COMMD7: variants seen among roughly 807,000 people sequenced by gnomAD.
COMMD7 encodes the protein COMM domain-containing protein 7.
Under a neutral mutation model 34.8 loss-of-function variants are expected in COMMD7, and 28 were observed. The ratio of observed to expected loss-of-function variants is 0.80; its 90% CI spans 0.60 to 1.10. The LOEUF is 1.10. COMMD7 is among the 50% of genes least tolerant of loss of function. COMMD7 has a pLI of 0.00. For missense variants in COMMD7, 211 were observed against 241.6 expected, an observed-to-expected ratio of 0.87 and a Z score of 0.84; for synonymous variants, 80 against 86.4, an observed-to-expected ratio of 0.93 and a Z score of 0.41.
intron 3 of COMMD7, 88 bp from the exon 4 acceptor site, chr20:32,706,848 A>G (rs2145710539): frequency 9.7e-7 from 1 of 1,027,898 alleles, no homozygotes; most frequent in East Asian, 2.5e-5. Context: ...TATGTGACCT[A>G]AAGGACAAAA....
chr20:32,719,649 T>TA (rs11313338), intron 3 of COMMD7, among the ~76,000 whole-genome samples: 11 of 150,780 alleles, frequency 7.3e-5, no homozygotes, highest in African/African-American at 1.2e-4. Context: ...AAACTCCATC[T>TA]AAAAAAAAAT....
intron 3 of COMMD7, among the ~76,000 whole-genome samples, chr20:32,720,264 G>A (rs1376361872): frequency 6.6e-6 from 1 of 152,132 alleles, no homozygotes; most frequent in African/African-American, 2.4e-5. Flanking sequence ...GGAGGCTGAG[G>A]TGGGCAGATC....
At chr20:32,719,408 G>A (rs1600983374) in intron 3 of COMMD7, among the ~76,000 whole-genome samples, 2 of 152,184 alleles carry the variant, frequency 1.3e-5, no homozygotes, top group East Asian at 3.8e-4. Flanking sequence ...AGCACTTTGG[G>A]AGGCCAAGGT....
In COMMD7 at chr20:32,725,431, G is replaced by GTTTTTTTT. The variant is rs56381432; in HGVS notation, c.241+2454_241+2461dup. ...TCTCTATAGCTCTATACTGTGTTTTGTTTTTTTTTTTTTTTGAGACGGAGT... is the reference window on the plus strand; with the variant it reads ...TCTCTATAGCTCTATACTGTGTTTTGTTTTTTTTTTTTTTTTTTTTTTTGAGACGGAGT... On this transcript the variant is annotated intron_variant, in intron 3 of 8. Coordinates refer to ENST00000278980, the MANE Select transcript of COMMD7 (RefSeq NM_053041.3). 4.6e-5 allele frequency among the ~76,000 whole-genome samples: 6 copies of GTTTTTTTT among 129,946 alleles called. 2 individuals carry two copies. The highest frequency in any genetic ancestry group is 8.3e-5 in the Admixed American group (1 of 12,120). 85.2% of individuals were successfully genotyped at this position (129,946 alleles called of 152,430 possible). A position where few individuals can be genotyped will look rare whatever the true frequency, so the allele number is the denominator to read the frequency against.
intron 1 of COMMD7, among the ~76,000 whole-genome samples, chr20:32,734,180 C>CA (rs1208862092): frequency 0.022 from 1,737 of 79,834 alleles, 22 homozygotes; most frequent in African/African-American, 0.043. Context: ...GACTCCGTCA[C>CA]AAAAAAAAAA....
chr20:32,706,477 C>A, intron 5 of COMMD7, 106 bp downstream of exon 5: 1 of 863,494 alleles, frequency 1.2e-6, no homozygotes, highest in Non-Finnish European at 1.8e-6. Context: ...CACACTGCCA[C>A]TGCACTCCAG....
At chr20:32,725,436 T>TG (rs1555825875) in intron 3 of COMMD7, among the ~76,000 whole-genome samples, 58 of 147,670 alleles carry the variant, frequency 3.9e-4, no homozygotes, top group African/African-American at 1.4e-3. Flanking sequence ...GTTTTGTTTT[T>TG]TTTTTTTTTT....
At chr20:32,716,469 GC>G (rs1423468701) in intron 3 of COMMD7, among the ~76,000 whole-genome samples, 1 of 152,056 alleles carries the variant, frequency 6.6e-6, no homozygotes, top group African/African-American at 2.4e-5. Flanking sequence ...CAAAAAATTA[GC>G]CAGGCGTGGT....
At chr20:32,734,664 A>G (rs1986042673) in intron 1 of COMMD7, among the ~76,000 whole-genome samples, 1 of 151,476 alleles carries the variant, frequency 6.6e-6, no homozygotes. Context: ...ACAGCGGCTC[A>G]CGCCTGTAAT....
chr20:32,716,054 G>A (rs992863519), intron 3 of COMMD7, among the ~76,000 whole-genome samples: 1 of 152,092 alleles, frequency 6.6e-6, no homozygotes. Flanking sequence ...TTGGGTCTCA[G>A]AGCTGTTAAA....
chr20:32,737,010 G>A (rs1417434218), intron 1 of COMMD7, among the ~76,000 whole-genome samples: 1 of 151,756 alleles, frequency 6.6e-6, no homozygotes, highest in Admixed American at 6.6e-5. Context: ...GTGAAACCCC[G>A]TCTCTACTAA....
At chr20:32,728,635 C>T (rs778184437) in intron 1 of COMMD7, among the ~76,000 whole-genome samples, 6 of 151,840 alleles carry the variant, frequency 4.0e-5, no homozygotes, top group African/African-American at 7.3e-5. Flanking sequence ...GATGCAATCT[C>T]GGCTCACTGC....
chr20:32,729,532 G>A (rs1395728416), intron 1 of COMMD7, among the ~76,000 whole-genome samples: 1 of 151,638 alleles, frequency 6.6e-6, no homozygotes, highest in Non-Finnish European at 1.5e-5. Context: ...TGTAATCCCA[G>A]CATTTTGGGA....
At chr20:32,725,308 G>A (rs1028801703) in intron 3 of COMMD7, among the ~76,000 whole-genome samples, 3 of 151,868 alleles carry the variant, frequency 2.0e-5, no homozygotes, top group African/African-American at 7.3e-5. Context: ...GTTCATTAGT[G>A]TACATAAAAA....
intron 3 of COMMD7, among the ~76,000 whole-genome samples, chr20:32,727,510 T>C (rs1985580204): frequency 7.2e-6 from 1 of 138,624 alleles, no homozygotes; most frequent in African/African-American, 2.8e-5. Context: ...CACTTCAGCC[T>C]GGCGACAGAG....
chr20:32,711,247 A>G (rs1261881434), intron 3 of COMMD7, among the ~76,000 whole-genome samples: 1 of 151,764 alleles, frequency 6.6e-6, no homozygotes, highest in Non-Finnish European at 1.5e-5. Context: ...AAATACAAAA[A>G]TTAGCTGGGC....
chr20:32,743,404 A>C lies in COMMD7; in HGVS notation c.-13T>G. On this transcript the variant is annotated 5_prime_UTR_variant, in exon 1 of 9. Transcript: ENST00000278980. ...GCAGGCGGCCCATGGCGCGCGCCCC[A>C]GCCCCGCAGGTTCCACCGCCGCCGC... 1 of 1,347,878 alleles carries C rather than the reference A, an allele frequency of 7.4e-7. No homozygotes were observed. Among genetic ancestry groups the C allele is most frequent in the Non-Finnish European group, 9.5e-7 (1 of 1,056,494 alleles). 83.5% of individuals were successfully genotyped at this position (1,347,878 alleles called of 1,614,324 possible).
chr20:32,714,301 G>A (rs1004146089), intron 3 of COMMD7, among the ~76,000 whole-genome samples: 1 of 152,140 alleles, frequency 6.6e-6, no homozygotes, highest in African/African-American at 2.4e-5. Flanking sequence ...ACTCGTTGGG[G>A]AGTGGGGAAG....
At chr20:32,716,812 A>G (rs1984814816) in intron 3 of COMMD7, among the ~76,000 whole-genome samples, 1 of 151,908 alleles carries the variant, frequency 6.6e-6, no homozygotes. Context: ...AGCAGTAAGG[A>G]GCCATGGGTG....
Sources: allele counts gnomAD v4.1 joint callset (sites outside exome capture counted in the v4.1 genomes callset), GRCh38; gene constraint gnomAD v4.1.1; transcripts MANE v1.5; gene names NCBI Gene and HGNC (gene_info 2026-07-23, HGNC 2026-07-21).